TRPM2: variants seen among roughly 807,000 people sequenced by gnomAD.
The protein encoded by TRPM2 is estrogen-responsive element-associated gene 1 protein.
Under a neutral mutation model 174.0 loss-of-function variants are expected in TRPM2, and 161 were observed. That is an observed-to-expected ratio of 0.93 (90% CI 0.81 to 1.05). The LOEUF (loss-of-function observed/expected upper bound fraction) is 1.05, where lower values mean the gene tolerates loss of function less well. Ranked by LOEUF, TRPM2 falls within the 50% of genes least tolerant of loss-of-function variation. The pLI is 0.00. For missense variants in TRPM2, 2,057 were observed against 2,038.0 expected (o/e 1.01, Z -0.18); for synonymous variants, 954 against 861.3 (o/e 1.11, Z -1.88).
intron 18 of TRPM2, 107 bp from the exon 19 acceptor site, chr21:44,406,487 C>T: frequency 7.4e-7 from 1 of 1,351,606 alleles, no homozygotes; most frequent in South Asian, 1.4e-5. Context: ...CATGCCGTGT[C>T]TGTGCTGTGA....
intron 5 of TRPM2, among the ~76,000 whole-genome samples, chr21:44,370,752 C>T (rs1332113324): frequency 6.6e-6 from 1 of 152,194 alleles, no homozygotes; most frequent in Non-Finnish European, 1.5e-5. Flanking sequence ...CGGGGTCGGA[C>T]TGGACCAGCT....
chr21:44,353,918 G>T, intron 1 of TRPM2, 53 bp downstream of exon 1: 1 of 1,568,718 alleles, frequency 6.4e-7, no homozygotes, highest in South Asian at 1.2e-5. Context: ...GGAGGTCACC[G>T]TTGGGCAGGT....
chr21:44,361,235 T>A lies in TRPM2; in HGVS notation c.255-2879T>A, dbSNP rs117801616. On this transcript the variant is annotated intron_variant, in intron 2 of 31. Coordinates refer to ENST00000397928, the MANE Select transcript of TRPM2 (RefSeq NM_003307.4). Reference sequence around the variant, plus strand: ...ACTGCAACCTCCGCCTCCCGGCAACTGGGAGTAGCTGGGACTACAGGCATG... The same window carrying A: ...ACTGCAACCTCCGCCTCCCGGCAACAGGGAGTAGCTGGGACTACAGGCATG... Among the ~76,000 whole-genome samples, 27 of 152,228 alleles carry A rather than the reference T, an allele frequency of 1.8e-4. No homozygotes were observed. The East Asian group carries it at 5.2e-3, about 29-fold the overall frequency.
intron 23 of TRPM2, 69 bp from the exon 24 acceptor site, chr21:44,424,782 GT>G: frequency 3.9e-6 from 4 of 1,038,802 alleles, no homozygotes; most frequent in South Asian, 1.9e-5. Context: ...TGAAGTCTCG[GT>G]GGGCAGTGGG....
chr21:44,406,549 A>T, intron 18 of TRPM2, 45 bp from the exon 19 acceptor site: 1 of 1,569,358 alleles, frequency 6.4e-7, no homozygotes, highest in Non-Finnish European at 8.6e-7. Context: ...CCCAGTGAGC[A>T]TCGGGGGCCA....
chr21:44,413,097 C>G (rs1275436380), intron 19 of TRPM2, among the ~76,000 whole-genome samples: 1 of 152,022 alleles, frequency 6.6e-6, no homozygotes, highest in African/African-American at 2.4e-5. Flanking sequence ...TCTATGCACG[C>G]AGGACGCTAT....
At position 44,401,690 on chromosome 21, in the gene TRPM2, G is replaced by T; in HGVS notation, c.2331G>T (p.Arg777Ser). ...GCTGTGACGGCCGCAGGGAGAAGAG[G>T]CTGCAGGATGTGGGCACCCCCGCGG... Reference protein sequence around the residue: ...LTGLISFREKRLQDVGTPAAR... With the variant: ...LTGLISFREKSLQDVGTPAAR... The change falls in exon 16 of 32, where the codon AGG becomes AGT. Residue 777 changes from arginine to serine, a missense_variant. Transcript: ENST00000397928. 6.2e-7 allele frequency: 1 copy of T among 1,612,724 alleles called. No individual in the cohort carries two copies. The highest frequency in any genetic ancestry group is 8.5e-7 in the Non-Finnish European group (1 of 1,179,856).
At chr21:44,368,947 G>A (rs1451265392) in intron 4 of TRPM2, among the ~76,000 whole-genome samples, 2 of 152,228 alleles carry the variant, frequency 1.3e-5, no homozygotes, top group Admixed American at 6.5e-5. Context: ...GGCCTGAGGA[G>A]GCGGCAGGGA....
chr21:44,422,148 A>G, intron 22 of TRPM2: 1 of 1,174,736 alleles, frequency 8.5e-7, no homozygotes, highest in Non-Finnish European at 1.2e-6. Context: ...CAAGGGCCCT[A>G]GCCTGGTCAC....
rs546772522 is a variant in TRPM2, at chr21:44,423,501, T to C, written c.3462-144T>C. On this transcript the variant is annotated intron_variant, in intron 22 of 31. Transcript: ENST00000397928. ...TTGGTTCTATGGGAGAAATGCATGT[T>C]AGAAATAGTTTCATATTAAGAGGAA... The C allele has an allele frequency of 1.6e-3, 1,104 of 698,904 alleles. 1 individual carries two copies. Among genetic ancestry groups the C allele is most frequent in the Non-Finnish European group, 1.9e-3 (780 of 402,124 alleles). The allele number at this position is 698,904 out of a possible 1,614,324, so 43.3% of individuals were successfully genotyped here. A position where few individuals can be genotyped will look rare whatever the true frequency, so the allele number is the denominator to read the frequency against.
intron 16 of TRPM2, among the ~76,000 whole-genome samples, chr21:44,404,305 T>C (rs1420099752): frequency 6.6e-6 from 1 of 151,462 alleles, no homozygotes. Context: ...CATGCACACA[T>C]ACATGCACAT....
At chr21:44,404,284 ATACACATATACATG>A (rs564768707) in intron 16 of TRPM2, among the ~76,000 whole-genome samples, 153 of 151,398 alleles carry the variant, frequency 1.0e-3, no homozygotes, top group African/African-American at 3.4e-3. Context: ...ATGTATGTGC[ATACACATATACATG>A]CACACATACA....
intron 8 of TRPM2, among the ~76,000 whole-genome samples, chr21:44,379,442 C>T (rs547097847): frequency 4.6e-5 from 7 of 152,312 alleles, no homozygotes; most frequent in Admixed American, 1.3e-4. Flanking sequence ...CCAGGGCGGG[C>T]TGGGAACGCT....
At chr21:44,375,231 A>C (rs1156761793) in intron 5 of TRPM2, among the ~76,000 whole-genome samples, 1 of 152,148 alleles carries the variant, frequency 6.6e-6, no homozygotes, top group African/African-American at 2.4e-5. Flanking sequence ...TTAATACCAC[A>C]TTCCCACCAA....
chr21:44,433,175 TG>T (rs2051091819), intron 27 of TRPM2, among the ~76,000 whole-genome samples: 4 of 152,288 alleles, frequency 2.6e-5, no homozygotes, highest in Middle Eastern at 3.4e-3. Context: ...TGGTAGGAGC[TG>T]GCAGGCCCCT....
At chr21:44,427,473 T>C (rs1320480171) in intron 27 of TRPM2, among the ~76,000 whole-genome samples, 1 of 152,220 alleles carries the variant, frequency 6.6e-6, no homozygotes, top group Non-Finnish European at 1.5e-5. Flanking sequence ...CTGGCAGGCT[T>C]ACCTGGCCGG....
intron 2 of TRPM2, among the ~76,000 whole-genome samples, chr21:44,359,613 C>T (rs1390359070): frequency 2.0e-5 from 3 of 150,088 alleles, no homozygotes; most frequent in Non-Finnish European, 4.4e-5. Flanking sequence ...TTTTTTAATT[C>T]CCTTATTTGT....
intron 16 of TRPM2, among the ~76,000 whole-genome samples, chr21:44,403,700 C>T (rs959730859): frequency 6.7e-6 from 1 of 149,794 alleles, no homozygotes. Flanking sequence ...CACACATATA[C>T]ACATGCATAC....
chr21:44,355,383 G>A (rs1483132538), intron 2 of TRPM2, among the ~76,000 whole-genome samples: 1 of 152,152 alleles, frequency 6.6e-6, no homozygotes, highest in Non-Finnish European at 1.5e-5. Flanking sequence ...TGCCCTCCCC[G>A]AGCAACACCC....
Sources: gnomAD v4.1 joint callset for allele counts (sites outside exome capture counted in the v4.1 genomes callset) on GRCh38, gnomAD v4.1.1 for gene constraint, MANE v1.5 for transcripts, NCBI Gene and HGNC (gene_info 2026-07-23, HGNC 2026-07-21) for gene names.